The following AKAP13 variants were observed in gnomAD, a reference collection of about 807,000 sequenced individuals.
AKAP13 encodes the protein A-kinase anchor protein 13.
In AKAP13, 80 loss-of-function variants were observed where a neutral mutation model predicts 264.5. That is an observed-to-expected ratio of 0.30 (90% CI 0.25 to 0.36). The LOEUF is 0.36. AKAP13 is among the 10% of genes least tolerant of loss of function. AKAP13 has a pLI of 1.00. For missense variants in AKAP13, 3,712 were observed against 3,435.2 expected, an observed-to-expected ratio of 1.08 and a Z score of -2.01; for synonymous variants, 1,380 against 1,250.2, an observed-to-expected ratio of 1.10 and a Z score of -2.19.
Position 85,561,226 on chromosome 15 carries a change from T to G in AKAP13, c.663-13905T>G, listed in dbSNP as rs533798768. Among the ~76,000 whole-genome samples the G allele has an allele frequency of 7.9e-5, 12 of 151,876 alleles. No homozygotes were observed. The East Asian group carries it at 2.3e-3, about 29-fold the overall frequency. On this transcript the variant is annotated intron_variant, in intron 5 of 36. Transcript: ENST00000394518. ...GCGCCCGCCACCACACCTGGCTAAT[T>G]TTTGTATTTTTAGTAGAGACGGGGT...
At chr15:85,650,154 G>A (rs2082736796) in intron 10 of AKAP13, among the ~76,000 whole-genome samples, 3 of 152,160 alleles carry the variant, frequency 2.0e-5, no homozygotes, top group African/African-American at 7.2e-5. Flanking sequence ...TGTAAGCCAG[G>A]CATGCTGGTT....
chr15:85,476,748 T>G (rs1374625868), intron 1 of AKAP13, among the ~76,000 whole-genome samples: 2 of 152,240 alleles, frequency 1.3e-5, no homozygotes, highest in Non-Finnish European at 2.9e-5. Context: ...CATCAAATGA[T>G]TCTTAAATAC....
At chr15:85,696,313 A>C (rs1021284092) in intron 17 of AKAP13, among the ~76,000 whole-genome samples, 1 of 152,228 alleles carries the variant, frequency 6.6e-6, no homozygotes, top group Non-Finnish European at 1.5e-5. Flanking sequence ...CTGAAAGTAA[A>C]CAAATGTGGA....
At chr15:85,512,230 G>T (rs2151124922) in intron 2 of AKAP13, among the ~76,000 whole-genome samples, 1 of 152,232 alleles carries the variant, frequency 6.6e-6, no homozygotes, top group Admixed American at 6.5e-5. Flanking sequence ...GCCTCAGGTG[G>T]TGAAGAGAAA....
intron 1 of AKAP13, among the ~76,000 whole-genome samples, chr15:85,439,265 A>G (rs955896639): frequency 3.5e-5 from 5 of 143,912 alleles, no homozygotes; most frequent in East Asian, 2.2e-4. Context: ...CAAAACCACA[A>G]TGAGATACCA....
At chr15:85,673,883 G>A (rs1395638345) in intron 14 of AKAP13, among the ~76,000 whole-genome samples, 2 of 151,136 alleles carry the variant, frequency 1.3e-5, no homozygotes, top group African/African-American at 4.9e-5. Flanking sequence ...AGTAGAGATG[G>A]GGTTTTACCA....
intron 8 of AKAP13, among the ~76,000 whole-genome samples, chr15:85,590,587 TA>T (rs2079543372): frequency 6.6e-6 from 1 of 152,370 alleles, no homozygotes; most frequent in Middle Eastern, 3.4e-3. Flanking sequence ...AGGTATGTGT[TA>T]AATGCTGCAG....
At chr15:85,537,486 G>C (rs895638462) in intron 4 of AKAP13, among the ~76,000 whole-genome samples, 2 of 152,154 alleles carry the variant, frequency 1.3e-5, no homozygotes, top group African/African-American at 4.8e-5. Context: ...GTGCTTTTTA[G>C]CTTTCTTCAG....
rs1470937670 is a variant in AKAP13 at position 85,747,389 on chromosome 15, TG to T, written c.*2713del. ...TGGTTTCTATCACATGAGAAGGGGT[TG>T]TTTTTTTGGGGTGACTCGGACTGAA... On this transcript the variant is annotated 3_prime_UTR_variant, in exon 37 of 37. Coordinates refer to ENST00000394518, the MANE Select transcript of AKAP13 (RefSeq NM_007200.5). The T allele has an allele frequency of 1.3e-5, 2 of 152,328 alleles. No homozygotes were observed. Among genetic ancestry groups the T allele is most frequent in the Non-Finnish European group, 2.9e-5 (2 of 68,034 alleles). The allele number at this position is 152,328 out of a possible 1,614,324, so 9.4% of individuals were successfully genotyped here.
chr15:85,521,389 C>T (rs1480150965), intron 2 of AKAP13, 39 bp from the exon 3 acceptor site: 1 of 1,604,978 alleles, frequency 6.2e-7, no homozygotes, highest in Admixed American at 1.7e-5. Context: ...GAAGAGGAAC[C>T]TTACTAATGT....
intron 14 of AKAP13, chr15:85,677,102 A>C: frequency 2.0e-6 from 2 of 985,454 alleles, no homozygotes; most frequent in Non-Finnish European, 1.2e-6. Context: ...TTGCATAGTA[A>C]GTAAGCAACT....
Position 85,521,545 on chromosome 15 carries a change from A to G in AKAP13, c.151A>G (p.Ser51Gly), listed in dbSNP as rs1398671766. ...TCACTGTACAAGTACTCGGAAGGTC[A>G]GTTCTGATACATTGGAGACCATTGC... ...LRHCTSTRKV[S>G]SDTLETIAPG... The change falls in exon 3 of 37, where the codon AGT becomes GGT. Residue 51 changes from serine (S) to glycine (G), a missense_variant. By Grantham distance (56) the Ser-to-Gly change is moderately conservative (BLOSUM62 0). This residue lies in a region of AKAP13 where 2,759 missense variants were observed against 2,411.7 expected (regional missense o/e 1.14). Transcript: ENST00000394518. 16 of 1,614,056 alleles carry G rather than the reference A, an allele frequency of 9.9e-6. No homozygotes were observed. Among genetic ancestry groups the G allele is most frequent in the Non-Finnish European group, 1.2e-5 (14 of 1,180,022 alleles).
intron 3 of AKAP13, among the ~76,000 whole-genome samples, chr15:85,522,565 G>C (rs2076861029): frequency 6.6e-6 from 1 of 152,072 alleles, no homozygotes; most frequent in African/African-American, 2.4e-5. Context: ...TTGTATGACA[G>C]CCTGGAGCTC....
intron 5 of AKAP13, among the ~76,000 whole-genome samples, chr15:85,551,617 C>T (rs1291409688): frequency 6.6e-6 from 1 of 152,208 alleles, no homozygotes; most frequent in East Asian, 1.9e-4. Context: ...TGCAGAATGA[C>T]ACATATGTAC....
chr15:85,428,313 C>T (rs976185365), intron 1 of AKAP13, among the ~76,000 whole-genome samples: 2 of 152,210 alleles, frequency 1.3e-5, no homozygotes, highest in Non-Finnish European at 2.9e-5. Context: ...GATTCTCCTG[C>T]CTCAGCCTCC....
intron 14 of AKAP13, among the ~76,000 whole-genome samples, chr15:85,673,344 G>T (rs2084021010): frequency 6.6e-6 from 1 of 152,186 alleles, no homozygotes; most frequent in Non-Finnish European, 1.5e-5. Context: ...AAGCTGCAGT[G>T]TCTCCTGTCT....
At chr15:85,648,997 C>T (rs2082683234) in intron 10 of AKAP13, among the ~76,000 whole-genome samples, 1 of 152,056 alleles carries the variant, frequency 6.6e-6, no homozygotes, top group Non-Finnish European at 1.5e-5. Flanking sequence ...TTTGCTGTAC[C>T]AAAGTAGCCT....
At chr15:85,573,492 C>A (rs914132582) in intron 5 of AKAP13, among the ~76,000 whole-genome samples, 1 of 151,742 alleles carries the variant, frequency 6.6e-6, no homozygotes, top group Non-Finnish European at 1.5e-5. Flanking sequence ...TTGCATTGAG[C>A]CAAGATCGCA....
intron 1 of AKAP13, among the ~76,000 whole-genome samples, chr15:85,447,371 TA>T (rs552221851): frequency 0.053 from 8,110 of 152,076 alleles, 485 homozygotes; most frequent in African/African-American, 0.15. Flanking sequence ...ACTCCTTTTT[TA>T]AAAAAAAATT....
Sources: allele counts gnomAD v4.1 joint callset (sites outside exome capture counted in the v4.1 genomes callset), GRCh38; gene constraint gnomAD v4.1.1; regional missense constraint gnomAD v4.1.1; transcripts MANE v1.5; gene names NCBI Gene and HGNC (gene_info 2026-07-23, HGNC 2026-07-21).